SLC24A2: variants seen among roughly 807,000 people sequenced by gnomAD.
SLC24A2 encodes solute carrier family 24 member 2.
A neutral mutation model predicts 62.0 loss-of-function variants in SLC24A2; 36 were observed. The observed-to-expected ratio is 0.58, with a 90% CI of 0.44 to 0.77. The LOEUF (loss-of-function observed/expected upper bound fraction) is 0.77, where lower values mean the gene tolerates loss of function less well. SLC24A2 is among the 30% of genes least tolerant of loss of function. The pLI, the probability that SLC24A2 is intolerant of heterozygous loss-of-function variation, is 0.00. For missense variants in SLC24A2, 846 were observed against 817.9 expected (o/e 1.03, Z -0.42); for synonymous variants, 358 against 294.0 (o/e 1.22, Z -2.23).
At chr9:19,863,647 A>AT in the SLC24A2 span, among the ~76,000 whole-genome samples, 2 of 151,386 alleles carry the variant, frequency 1.3e-5, no homozygotes, top group East Asian at 1.9e-4. Flanking sequence ...AGGAAATTGA[A>AT]TTTTTTTTTA....
intron 5 of SLC24A2, among the ~76,000 whole-genome samples, chr9:19,586,740 GA>G (rs1836383999): frequency 1.3e-5 from 2 of 152,218 alleles, no homozygotes; most frequent in African/African-American, 4.8e-5. Context: ...GACAGTGCTT[GA>G]GAGCTGATGT....
chr9:19,520,219 C>T (rs1286239747), intron 10 of SLC24A2, among the ~76,000 whole-genome samples: 1 of 152,174 alleles, frequency 6.6e-6, no homozygotes, highest in Non-Finnish European at 1.5e-5. Flanking sequence ...ATCTTATTCT[C>T]TCAGGGTACT....
chr9:19,647,066 GCGCACA>G (rs1189604089), intron 2 of SLC24A2, among the ~76,000 whole-genome samples: 8 of 25,412 alleles, frequency 3.1e-4, no homozygotes, highest in African/African-American at 1.1e-3. Flanking sequence ...ACACACACGC[GCGCACA>G]CACACACACA....
chr9:20,040,307 TGA>T, the SLC24A2 span, among the ~76,000 whole-genome samples: 1 of 152,242 alleles, frequency 6.6e-6, no homozygotes, highest in African/African-American at 2.4e-5. Context: ...GGGAGAAGTT[TGA>T]GAGACATTTT....
the SLC24A2 span, among the ~76,000 whole-genome samples, chr9:19,819,476 A>G: frequency 9.2e-5 from 14 of 152,264 alleles, no homozygotes; most frequent in African/African-American, 3.1e-4. Context: ...ACCAGAATCT[A>G]TGACGAACTC....
At chr9:20,245,670 A>G in the SLC24A2 span, among the ~76,000 whole-genome samples, 6 of 152,198 alleles carry the variant, frequency 3.9e-5, no homozygotes, top group East Asian at 1.9e-4. Context: ...TTTTTGGACT[A>G]TGGAAGTATT....
the SLC24A2 span, among the ~76,000 whole-genome samples, chr9:20,259,723 A>G: frequency 3.3e-5 from 5 of 152,246 alleles, no homozygotes; most frequent in South Asian, 2.1e-4. Context: ...ACAGTCCCCA[A>G]TAGCTATGAT....
intron 7 of SLC24A2, among the ~76,000 whole-genome samples, chr9:19,569,101 G>A (rs563361107): frequency 6.6e-6 from 1 of 152,238 alleles, no homozygotes; most frequent in African/African-American, 2.4e-5. Context: ...ACAGATGGTT[G>A]AAACTAAGGA....
the SLC24A2 span, among the ~76,000 whole-genome samples, chr9:20,108,330 C>G: frequency 6.6e-6 from 1 of 152,088 alleles, no homozygotes; most frequent in African/African-American, 2.4e-5. Flanking sequence ...CCATTTGACC[C>G]AGCCATCCCA....
At chr9:20,304,765 G>A in the SLC24A2 span, among the ~76,000 whole-genome samples, 1 of 152,210 alleles carries the variant, frequency 6.6e-6, no homozygotes, top group African/African-American at 2.4e-5. Context: ...ATTTTATAGA[G>A]GAGGAAACCA....
chr9:19,601,528 C>T (rs545226780), intron 4 of SLC24A2, among the ~76,000 whole-genome samples: 127 of 152,316 alleles, frequency 8.3e-4, no homozygotes, highest in Admixed American at 4.2e-3. Context: ...CGGCTCCATT[C>T]TGGAAGTCAG....
chr9:19,968,978 T>G, the SLC24A2 span, among the ~76,000 whole-genome samples: 34 of 152,256 alleles, frequency 2.2e-4, 1 homozygote, highest in African/African-American at 7.2e-4. Context: ...GCCACAAATA[T>G]GATAATAAAA....
At chr9:19,991,619 G>T in the SLC24A2 span, among the ~76,000 whole-genome samples, 1 of 152,118 alleles carries the variant, frequency 6.6e-6, no homozygotes, top group African/African-American at 2.4e-5. Context: ...TATAAGGCAG[G>T]ACTACTGTAT....
At chr9:19,974,898 T>A in the SLC24A2 span, among the ~76,000 whole-genome samples, 4 of 152,202 alleles carry the variant, frequency 2.6e-5, no homozygotes, top group African/African-American at 4.8e-5. Flanking sequence ...CCGTCAGGGT[T>A]ACAAGATGGA....
chr9:19,741,503 G>C (rs976196181), intron 2 of SLC24A2, among the ~76,000 whole-genome samples: 5 of 152,140 alleles, frequency 3.3e-5, no homozygotes, highest in Admixed American at 3.3e-4. Flanking sequence ...CAGCTGAGCA[G>C]CTCCCTCCTC....
At chr9:19,519,473 A>G (rs564586533) in intron 10 of SLC24A2, among the ~76,000 whole-genome samples, 28 of 152,302 alleles carry the variant, frequency 1.8e-4, no homozygotes, top group African/African-American at 6.5e-4. Flanking sequence ...AGATTGACCA[A>G]GAACTCTACC....
chr9:20,049,364 A>C, the SLC24A2 span, among the ~76,000 whole-genome samples: 2 of 152,142 alleles, frequency 1.3e-5, no homozygotes, highest in African/African-American at 2.4e-5. Flanking sequence ...ACTCCAATGA[A>C]CTTTTTTTTT....
the SLC24A2 span, among the ~76,000 whole-genome samples, chr9:19,814,015 C>G: frequency 6.6e-6 from 1 of 152,096 alleles, no homozygotes; most frequent in Non-Finnish European, 1.5e-5. Flanking sequence ...TATGGCATTT[C>G]CTATAGTTCT....
chr9:19,834,814 G>T, the SLC24A2 span, among the ~76,000 whole-genome samples: 5 of 152,248 alleles, frequency 3.3e-5, no homozygotes, highest in East Asian at 9.6e-4. Flanking sequence ...AATGTTAAGG[G>T]CAGCCAGAGA....
Sources: gnomAD v4.1 joint callset for allele counts (sites outside exome capture counted in the v4.1 genomes callset) on GRCh38, gnomAD v4.1.1 for gene constraint, MANE v1.5 for transcripts, NCBI Gene and HGNC (gene_info 2026-07-23, HGNC 2026-07-21) for gene names.